The following MEAF6 variants were observed in gnomAD, a reference collection of about 807,000 sequenced individuals.
MEAF6 encodes MYST/Esa1 associated factor 6.
Under a neutral mutation model 28.9 loss-of-function variants are expected in MEAF6, and 15 were observed. The ratio of observed to expected loss-of-function variants is 0.52; its 90% confidence interval spans 0.35 to 0.80. The LOEUF is 0.80. MEAF6 is among the 30% of genes least tolerant of loss of function. The pLI is 0.01. For missense variants in MEAF6, 178 were observed against 237.5 expected, an observed-to-expected ratio of 0.75 and a Z score of 1.65; for synonymous variants, 97 against 88.7, an observed-to-expected ratio of 1.09 and a Z score of -0.53.
intron 6 of MEAF6, among the ~76,000 whole-genome samples, chr1:37,494,739 G>T (rs1642058864): frequency 6.6e-6 from 1 of 151,688 alleles, no homozygotes; most frequent in Non-Finnish European, 1.5e-5. Flanking sequence ...TCTGAGGTGG[G>T]AGGACGGCTT....
intron 2 of MEAF6, 26 bp from the exon 3 acceptor site, chr1:37,509,568 G>C (rs1381689019): frequency 4.4e-6 from 7 of 1,595,446 alleles, no homozygotes; most frequent in African/African-American, 1.3e-5. Context: ...AACTCATTAT[G>C]AGCACCAAGC....
intron 4 of MEAF6, among the ~76,000 whole-genome samples, chr1:37,504,923 G>A (rs761207075): frequency 5.9e-5 from 9 of 151,430 alleles, no homozygotes; most frequent in East Asian, 3.9e-4. Flanking sequence ...GCTGTGTCAC[G>A]CCCAGGCTGG....
At chr1:37,514,456 T>C in intron 1 of MEAF6, 1 of 337,740 alleles carries the variant, frequency 3.0e-6, no homozygotes, top group Non-Finnish European at 5.3e-6. Context: ...CCCGGCTCTC[T>C]CCCGGCTCCG....
rs35527783 is a variant in MEAF6 at position 37,492,560 on chromosome 1, C to CAAAAAAAAAAAAAAAAA, written c.*1522_*1538dup. On this transcript the variant is annotated 3_prime_UTR_variant, in exon 7 of 7. Transcript: ENST00000296214. ...AGTCAAAGATCTAAATAGCCAGAGT[C>CAAAAAAAAAAAAAAAAA]AAAAAAAAAAAAAAAAAAAAACCCA... 1 of 73,090 alleles carries CAAAAAAAAAAAAAAAAA rather than the reference C, an allele frequency of 1.4e-5. No homozygotes were observed. Among genetic ancestry groups the CAAAAAAAAAAAAAAAAA allele is most frequent in the Non-Finnish European group, 2.5e-5 (1 of 40,196 alleles). 4.5% of individuals were successfully genotyped at this position (73,090 alleles called of 1,614,324 possible). A position where few individuals can be genotyped will look rare whatever the true frequency, so the allele number is the denominator to read the frequency against.
At chr1:37,495,423 C>T (rs1362163226) in intron 6 of MEAF6, among the ~76,000 whole-genome samples, 1 of 151,194 alleles carries the variant, frequency 6.6e-6, no homozygotes, top group Admixed American at 6.6e-5. Context: ...AAACCATAGG[C>T]CAGGCACGTT....
rs1641945731 is a variant in MEAF6, at chr1:37,491,922, T to C, written c.*2177A>G. ...AGAGCAGTACTATTCTTTCTTTTTT[T>C]TTTTTTTTTTGACAGAGTCTCGCTC... On this transcript the variant is annotated 3_prime_UTR_variant, in exon 7 of 7. Coordinates refer to ENST00000296214, the MANE Select transcript of MEAF6 (RefSeq NM_001270875.3). Among the ~76,000 whole-genome samples the C allele has an allele frequency of 6.7e-6, 1 of 149,892 alleles. No individual in the cohort carries two copies. The highest frequency in any genetic ancestry group is 2.4e-5 in the African/African-American group (1 of 41,188).
At chr1:37,504,931 T>G (rs1642434505) in intron 4 of MEAF6, among the ~76,000 whole-genome samples, 1 of 151,978 alleles carries the variant, frequency 6.6e-6, no homozygotes, top group Admixed American at 6.6e-5. Context: ...ACGCCCAGGC[T>G]GGAGTACAGT....
intron 1 of MEAF6, 108 bp downstream of exon 1, chr1:37,514,549 G>T: frequency 1.3e-6 from 1 of 790,136 alleles, no homozygotes; most frequent in Middle Eastern, 3.0e-4. Flanking sequence ...CCGGCCCGCC[G>T]CGCCGCGCCC....
chr1:37,509,815 C>T (rs137867004), intron 2 of MEAF6, among the ~76,000 whole-genome samples: 1 of 152,220 alleles, frequency 6.6e-6, no homozygotes, highest in Non-Finnish European at 1.5e-5. Flanking sequence ...CTTGCTCTGT[C>T]GCCTACGCTG....
At chr1:37,511,842 C>T (rs1401482625) in intron 2 of MEAF6, among the ~76,000 whole-genome samples, 3 of 152,194 alleles carry the variant, frequency 2.0e-5, no homozygotes, top group Non-Finnish European at 4.4e-5. Context: ...TAGCCAAATG[C>T]ATGCATGAAT....
At chr1:37,509,026 GTT>G (rs1642578689) in intron 4 of MEAF6, among the ~76,000 whole-genome samples, 1 of 152,218 alleles carries the variant, frequency 6.6e-6, no homozygotes, top group Admixed American at 6.5e-5. Flanking sequence ...GAGCCTAGGA[GTT>G]TGAGGCTGCA....
intron 4 of MEAF6, among the ~76,000 whole-genome samples, chr1:37,503,353 T>C (rs887408116): frequency 6.6e-6 from 1 of 152,230 alleles, no homozygotes; most frequent in African/African-American, 2.4e-5. Flanking sequence ...TAAACATATA[T>C]ATTTTTAAGA....
At chr1:37,508,482 T>C (rs959341273) in intron 4 of MEAF6, among the ~76,000 whole-genome samples, 3 of 152,010 alleles carry the variant, frequency 2.0e-5, no homozygotes, top group Admixed American at 6.6e-5. Context: ...TCTTGCTTTG[T>C]TGACTAGGCT....
chr1:37,496,422 T>C (rs1642130600), intron 5 of MEAF6: 1 of 409,620 alleles, frequency 2.4e-6, no homozygotes, highest in Non-Finnish European at 4.2e-6. Context: ...ATTCTCCTTA[T>C]GAAGCAAAGC....
intron 1 of MEAF6, 45 bp from the exon 2 acceptor site, chr1:37,513,583 A>C: frequency 2.8e-6 from 4 of 1,449,866 alleles, no homozygotes; most frequent in Non-Finnish European, 2.9e-6. Flanking sequence ...TTTTAAATGC[A>C]AACACTTAAG....
chr1:37,495,753 G>A (rs1313069029), intron 6 of MEAF6, 132 bp downstream of exon 6: 64 of 590,502 alleles, frequency 1.1e-4, no homozygotes, highest in Middle Eastern at 2.8e-4. Context: ...AGTATATCCA[G>A]ATGGACACCC....
intron 6 of MEAF6, among the ~76,000 whole-genome samples, chr1:37,495,333 A>AAAATAAATAAATAAAT (rs199695721): frequency 7.2e-5 from 10 of 138,524 alleles, no homozygotes; most frequent in Admixed American, 1.5e-4. Flanking sequence ...TCCGTCTCAA[A>AAAATAAATAAATAAAT]AAATAAATAA....
At chr1:37,495,697 C>A (rs2783732) in intron 6 of MEAF6, among the ~76,000 whole-genome samples, 188 bp downstream of exon 6, 52,800 of 91,690 alleles carry the variant, frequency 0.58, 12,449 homozygotes, top group East Asian at 0.67. Flanking sequence ...AAAAAAAAAA[C>A]AAAAAACAAA....
chr1:37,506,109 A>G (rs1373756098), intron 4 of MEAF6, among the ~76,000 whole-genome samples: 2 of 152,148 alleles, frequency 1.3e-5, no homozygotes, highest in South Asian at 2.1e-4. Context: ...ATTCTCTACT[A>G]AAAATACAAA....
Sources: allele counts gnomAD v4.1 joint callset (sites outside exome capture counted in the v4.1 genomes callset), GRCh38; gene constraint gnomAD v4.1.1; transcripts MANE v1.5; gene names NCBI Gene and HGNC (gene_info 2026-07-23, HGNC 2026-07-21).